Variants in KIAA1210 observed in about 807,000 individuals in gnomAD.
The protein encoded by KIAA1210 is KIAA1210, also known as acrosomal protein KIAA1210.
A neutral mutation model predicts 78.9 loss-of-function variants in KIAA1210; 48 were observed. The observed-to-expected ratio is 0.61, with a 90% CI of 0.48 to 0.77. The LOEUF is 0.77. Among genes scored for constraint, KIAA1210 ranks in the 30% least tolerant of loss-of-function variants. The probability of loss-of-function intolerance (pLI) is 0.00; values close to 1 mark genes in which losing one functional copy is unlikely to be tolerated. For missense variants in KIAA1210, 1,108 were observed against 1,100.0 expected (o/e 1.01, Z -0.10); for synonymous variants, 406 against 404.5 (o/e 1.00, Z -0.04).
chrX:119,122,185 C>A (rs1404171183), intron 2 of KIAA1210, among the ~76,000 whole-genome samples: 1 of 106,062 alleles, frequency 9.4e-6, no homozygotes, highest in Non-Finnish European at 1.9e-5. Context: ...TTTGCCTCAG[C>A]CTCCCGAGTA....
chrX:119,142,976 C>T (rs1035257536), intron 2 of KIAA1210, among the ~76,000 whole-genome samples: 2 of 110,848 alleles, frequency 1.8e-5, no homozygotes, highest in East Asian at 2.8e-4. Flanking sequence ...GATCAGGTTT[C>T]GACATGGGAC....
intron 6 of KIAA1210, 130 bp downstream of exon 6, chrX:119,104,862 G>T (rs1927838849): frequency 1.7e-6 from 1 of 571,515 alleles, no homozygotes; most frequent in Non-Finnish European, 2.7e-6. Flanking sequence ...CAAATCAAAA[G>T]CCAAGAATGT....
In KIAA1210 at chrX:119,107,570, TAAC is replaced by T. The variant is rs1728455740; in HGVS notation, c.492+764_492+766del. On this transcript the variant is annotated intron_variant, in intron 5 of 11. Transcript: ENST00000691062. Reference sequence around the variant, plus strand: ...TAGTCTTCTGACCCTAGGGGCTGCTTAACAACTTTAGGGTCAACACCATTAGTG... The same window carrying T: ...TAGTCTTCTGACCCTAGGGGCTGCTTAACTTTAGGGTCAACACCATTAGTG... 3.6e-5 allele frequency among the ~76,000 whole-genome samples: 4 copies of T among 112,291 alleles called. No individual in the cohort carries two copies. In the South Asian group the frequency reaches 1.5e-3, roughly 42 times the overall value.
At chrX:119,086,461 T>C in intron 9 of KIAA1210, 85 bp downstream of exon 9, 2 of 916,488 alleles carry the variant, frequency 2.2e-6, no homozygotes, top group Admixed American at 6.1e-5. Flanking sequence ...AAGACTAGAA[T>C]AGACTTTAAT....
At position 119,086,645 on chromosome X, in the gene KIAA1210, C is replaced by A. The variant is rs1927144316; in HGVS notation, c.4057G>T (p.Ala1353Ser). 5.0e-6 allele frequency: 6 copies of A among 1,209,479 alleles called. No individual in the cohort carries two copies. Among genetic ancestry groups the A allele is most frequent in the South Asian group, 1.8e-5 (1 of 56,751 alleles). The change falls in exon 9 of 12, where the codon GCA (alanine) becomes TCA (serine). Residue 1353 changes from alanine (A) to serine (S), a missense_variant. Physicochemically the swap from Ala to Ser is moderately conservative, Grantham distance 99. Coordinates refer to ENST00000691062, the MANE Select transcript of KIAA1210 (RefSeq NM_001394962.1). ...TAAGATATTTTGGTGAGGTTCCCTG[C>A]AGCATCCAGGAGCCCCTGGGAAGTG... The part of the protein sequence containing the change: ...RSTSQGLLDA[A>S]GNLTKISYVA...
intron 2 of KIAA1210, chrX:119,147,353 C>T (rs1320992086): frequency 2.4e-6 from 2 of 819,389 alleles, no homozygotes; most frequent in Admixed American, 2.9e-5. Context: ...TTGTAACCCA[C>T]ACTGCTTCCA....
chrX:119,127,386 G>A lies in KIAA1210; in HGVS notation c.-11+341C>T, dbSNP rs143121698. On this transcript the variant is annotated intron_variant, in intron 1 of 11. Coordinates refer to ENST00000691062, the MANE Select transcript of KIAA1210 (RefSeq NM_001394962.1). ...AATATGAAAGATGAGGGAGAACAAA[G>A]AAAGAGGGCATCTTGGCTACATCTG... Among the ~76,000 whole-genome samples, 91 of 110,970 alleles carry A rather than the reference G, an allele frequency of 8.2e-4. No individual in the cohort carries two copies. The East Asian group carries it at 0.024, about 30-fold the overall frequency.
intron 2 of KIAA1210, among the ~76,000 whole-genome samples, chrX:119,121,568 G>C (rs902308445): frequency 1.4e-4 from 2 of 14,096 alleles, no homozygotes; most frequent in Non-Finnish European, 0.014. Flanking sequence ...GCTCATTGAA[G>C]GCTGTTTTTT....
chrX:119,085,749 A>G (rs1927112696), intron 9 of KIAA1210, among the ~76,000 whole-genome samples: 1 of 112,537 alleles, frequency 8.9e-6, no homozygotes, highest in African/African-American at 3.2e-5. Flanking sequence ...GTAGTAAAGA[A>G]GCTGTACTTA....
intron 2 of KIAA1210, among the ~76,000 whole-genome samples, chrX:119,142,274 A>C (rs774998755): frequency 6.2e-5 from 7 of 112,553 alleles, no homozygotes; most frequent in South Asian, 3.7e-4. Context: ...CCCTGCTCTC[A>C]CAGACAGCTT....
Position 119,087,369 on chromosome X carries a change from A to G in KIAA1210, c.3333T>C (p.Ser1111=). Residue 1111 remains serine, a synonymous_variant, in exon 9 of 12, where the codon AGT becomes AGC. Coordinates refer to ENST00000691062, the MANE Select transcript of KIAA1210 (RefSeq NM_001394962.1). ...YSERAPGKCS[S]FKEQLSPRQL... is the part of the protein sequence containing the mutation. The stretch of plus-strand genomic sequence containing the variant: ...GCCTGGGAGACAGCTGCTCTTTAAA[A>G]CTGCTGCACTTCCCAGGAGCTCTCT... The G allele has an allele frequency of 8.3e-7, 1 of 1,211,181 alleles. No individual in the cohort carries two copies. The highest frequency in any genetic ancestry group is 1.1e-6 in the Non-Finnish European group (1 of 895,204).
chrX:119,090,981 C>A (rs745873251), intron 8 of KIAA1210, among the ~76,000 whole-genome samples: 10 of 111,948 alleles, frequency 8.9e-5, no homozygotes, highest in Admixed American at 2.8e-4. Context: ...AACCAAGGAA[C>A]TCATACAGAG....
intron 3 of KIAA1210, among the ~76,000 whole-genome samples, chrX:119,111,951 C>A (rs1928089438): frequency 9.0e-6 from 1 of 110,959 alleles, no homozygotes; most frequent in Admixed American, 9.6e-5. Flanking sequence ...GTGTCCCCAC[C>A]CAAATTTCAT....
At chrX:119,094,093 G>A (rs200457998) in intron 7 of KIAA1210, 34 of 1,180,174 alleles carry the variant, frequency 2.9e-5, no homozygotes, top group African/African-American at 7.1e-5. Flanking sequence ...GGAAGGCCAC[G>A]AATCTGAAAA....
At chrX:119,146,610 A>G (rs1052433550) in intron 2 of KIAA1210, among the ~76,000 whole-genome samples, 13 of 112,355 alleles carry the variant, frequency 1.2e-4, no homozygotes, top group African/African-American at 4.2e-4. Flanking sequence ...AAAAAACTTT[A>G]GGTGAACTGG....
In KIAA1210 at chrX:119,085,404, C is replaced by T; in HGVS notation, c.4299G>A (p.Glu1433=). The part of the protein sequence containing the change: ...KTKSNAGADA[E]TKEPKYEGAG... ...CTACCTCATATTTAGGCTCCTTAGT[C>T]TCAGCATCGGCTCCAGCATTGCTCT... The change falls in exon 10 of 12, where the codon GAG becomes GAA. Residue 1433 remains glutamate, a synonymous_variant. Coordinates refer to ENST00000691062, the MANE Select transcript of KIAA1210 (RefSeq NM_001394962.1). 4 of 1,210,788 alleles carry T rather than the reference C, an allele frequency of 3.3e-6. No homozygotes were observed. The highest frequency in any genetic ancestry group is 3.4e-6 in the Non-Finnish European group (3 of 895,039).
chrX:119,123,501 C>T, intron 2 of KIAA1210, 81 bp downstream of exon 2: 3 of 721,325 alleles, frequency 4.2e-6, no homozygotes, highest in Non-Finnish European at 6.2e-6. Flanking sequence ...TTTCTTGTGC[C>T]TTGCTTCTTT....
chrX:119,143,224 A>G (rs944449245), intron 2 of KIAA1210, among the ~76,000 whole-genome samples: 2 of 112,542 alleles, frequency 1.8e-5, no homozygotes, highest in Admixed American at 1.9e-4. Context: ...GCCTCCCAGT[A>G]ACCAGCAGGT....
chrX:119,147,482 T>G (rs1436833174), exon 2 of KIAA1210: 1 of 1,211,542 alleles, frequency 8.3e-7, no homozygotes, highest in South Asian at 1.8e-5. Context: ...CTTTCCTGAA[T>G]CCTGTTCTTG....
Sources: gnomAD v4.1 joint callset for allele counts (sites outside exome capture counted in the v4.1 genomes callset) on GRCh38, gnomAD v4.1.1 for gene constraint, MANE v1.5 for transcripts, NCBI Gene and HGNC (gene_info 2026-07-23, HGNC 2026-07-21) for gene names.